CFAP92: variants seen among roughly 807,000 people sequenced by gnomAD.
CFAP92 encodes the protein uncharacterized protein CFAP92.
Under a neutral mutation model 106.3 loss-of-function variants are expected in CFAP92, and 86 were observed. That is an observed-to-expected ratio of 0.81 (90% CI 0.68 to 0.97). The LOEUF is 0.97. CFAP92 is among the 50% of genes least tolerant of loss of function. The pLI is 0.00. For missense variants in CFAP92, 1,204 were observed against 1,283.8 expected (o/e 0.94, Z 0.95); for synonymous variants, 477 against 506.4 (o/e 0.94, Z 0.78).
chr3:128,976,729 G>T (rs1238647082), intron 6 of CFAP92, among the ~76,000 whole-genome samples: 1 of 152,150 alleles, frequency 6.6e-6, no homozygotes, highest in Admixed American at 6.5e-5. Flanking sequence ...TTTAGGAAAC[G>T]GAGATAGTCA....
chr3:128,944,614 C>T (rs573478437), intron 10 of CFAP92, among the ~76,000 whole-genome samples: 8 of 152,202 alleles, frequency 5.3e-5, no homozygotes, highest in Non-Finnish European at 1.0e-4. Context: ...AAGGGCTACC[C>T]GCTGCAGCCC....
intron 7 of CFAP92, among the ~76,000 whole-genome samples, chr3:128,971,809 A>G (rs1195365565): frequency 2.0e-5 from 3 of 152,178 alleles, no homozygotes; most frequent in Non-Finnish European, 4.4e-5. Context: ...CTGCTCTTAA[A>G]CAAACAAAAG....
chr3:128,929,407 G>A (rs1262749075), intron 12 of CFAP92, among the ~76,000 whole-genome samples: 1 of 152,016 alleles, frequency 6.6e-6, no homozygotes, highest in African/African-American at 2.4e-5. Context: ...ATATGACCCA[G>A]CAATTCCACT....
At chr3:128,936,123 G>A (rs1437065200) in intron 10 of CFAP92, among the ~76,000 whole-genome samples, 1 of 151,974 alleles carries the variant, frequency 6.6e-6, no homozygotes, top group Admixed American at 6.5e-5. Flanking sequence ...CTGCACTGTG[G>A]CAATACCAGC....
chr3:128,961,772 C>G (rs1463668639), intron 9 of CFAP92, among the ~76,000 whole-genome samples: 1 of 152,156 alleles, frequency 6.6e-6, no homozygotes, highest in Non-Finnish European at 1.5e-5. Flanking sequence ...TTAAATAAAA[C>G]TCCAAAAATT....
At position 128,971,389 on chromosome 3, in the gene CFAP92, G is replaced by A. The variant is rs1481752431; in HGVS notation, c.1066C>T (p.His356Tyr). Reference sequence around the variant, plus strand: ...TCTTCTTCTGCCAGGGGCTTCTTATGTCTCCTCTGGATTTTCCTTCTTCCC... The same window carrying A: ...TCTTCTTCTGCCAGGGGCTTCTTATATCTCCTCTGGATTTTCCTTCTTCCC... Reference protein sequence around the residue: ...SEGRRKIQRRHKKPLAEEEAD... With the variant: ...SEGRRKIQRRYKKPLAEEEAD... The change falls in exon 8 of 16, where the codon CAT becomes TAT. Residue 356 changes from histidine (H) to tyrosine (Y), a missense_variant. Coordinates refer to ENST00000645291, the MANE Select transcript of CFAP92 (RefSeq NM_001394090.1). 2 of 1,612,984 alleles carry A rather than the reference G, an allele frequency of 1.2e-6. No homozygotes were observed. Among genetic ancestry groups the A allele is most frequent in the South Asian group, 1.1e-5 (1 of 90,930 alleles).
At chr3:128,986,240 CTTTTT>C (rs144649397) in intron 4 of CFAP92, among the ~76,000 whole-genome samples, 12 of 139,074 alleles carry the variant, frequency 8.6e-5, no homozygotes, top group African/African-American at 2.4e-4. Flanking sequence ...ATCTGTTTTA[CTTTTT>C]TTTTTTTTTT....
chr3:128,988,694 C>A (rs1200207414), intron 3 of CFAP92, 34 bp downstream of exon 3: 1 of 1,603,080 alleles, frequency 6.2e-7, no homozygotes. Context: ...GAGCATCAGA[C>A]CATACACAAG....
At chr3:128,950,009 T>C (rs1940623852) in intron 9 of CFAP92, among the ~76,000 whole-genome samples, 1 of 152,172 alleles carries the variant, frequency 6.6e-6, no homozygotes, top group African/African-American at 2.4e-5. Context: ...TAATTTTAAA[T>C]TTATAGACCT....
At chr3:128,956,224 A>G (rs1447028897) in intron 9 of CFAP92, among the ~76,000 whole-genome samples, 1,688 of 100,228 alleles carry the variant, frequency 0.017, 87 homozygotes, top group African/African-American at 0.076. Flanking sequence ...ATAAAAAAAA[A>G]AAAAGAAAAT....
At chr3:128,976,918 T>C in intron 6 of CFAP92, 61 bp downstream of exon 6, 6 of 1,302,620 alleles carry the variant, frequency 4.6e-6, no homozygotes, top group Non-Finnish European at 5.6e-6. Flanking sequence ...CCACGACTCA[T>C]AGTAGGGCTA....
chr3:129,006,772 C>G (rs143626301), upstream of CFAP92, among the ~76,000 whole-genome samples: 1 of 152,324 alleles, frequency 6.6e-6, no homozygotes, highest in East Asian at 1.9e-4. Context: ...ACTAATTTCT[C>G]TGCCCCTCTA....
intron 12 of CFAP92, among the ~76,000 whole-genome samples, chr3:128,926,086 A>G (rs1203666400): frequency 2.0e-5 from 3 of 152,262 alleles, no homozygotes; most frequent in African/African-American, 7.2e-5. Context: ...TGTCAATTAG[A>G]AAAATACAAC....
chr3:128,956,196 T>TAAAAAAAAAA (rs577724635), intron 9 of CFAP92, among the ~76,000 whole-genome samples: 5 of 61,712 alleles, frequency 8.1e-5, no homozygotes, highest in Non-Finnish European at 1.2e-4. Context: ...AAAAAAAAAA[T>TAAAAAAAAAA]AAAAAAAAAA....
At chr3:128,942,858 A>G (rs1363097385) in intron 10 of CFAP92, among the ~76,000 whole-genome samples, 3 of 141,420 alleles carry the variant, frequency 2.1e-5, no homozygotes, top group East Asian at 4.3e-4. Context: ...ATTTTTGTGT[A>G]TTTAGTAGAG....
intron 10 of CFAP92, among the ~76,000 whole-genome samples, chr3:128,940,178 A>T (rs1331653779): frequency 6.6e-6 from 1 of 152,148 alleles, no homozygotes; most frequent in Non-Finnish European, 1.5e-5. Context: ...ATGCATATCC[A>T]TTATTTGTTT....
chr3:128,934,239 G>A (rs1273700436), intron 11 of CFAP92, among the ~76,000 whole-genome samples: 1 of 152,228 alleles, frequency 6.6e-6, no homozygotes, highest in Non-Finnish European at 1.5e-5. Flanking sequence ...GCTCAATGAG[G>A]GAATGGTGAG....
chr3:128,975,738 CTAGT>C, intron 7 of CFAP92, 37 bp downstream of exon 7: 12 of 1,409,874 alleles, frequency 8.5e-6, no homozygotes, highest in Non-Finnish European at 1.2e-5. Context: ...TATTCCAAGT[CTAGT>C]TATATTATAA....
intron 13 of CFAP92, 87 bp from the exon 14 acceptor site, chr3:128,915,650 G>A (rs1272967367): frequency 1.2e-6 from 1 of 862,682 alleles, no homozygotes; most frequent in Non-Finnish European, 1.7e-6. Context: ...ACAGCTGGGG[G>A]CATAATCATA....
Sources: allele counts gnomAD v4.1 joint callset (sites outside exome capture counted in the v4.1 genomes callset), GRCh38; gene constraint gnomAD v4.1.1; transcripts MANE v1.5; gene names NCBI Gene and HGNC (gene_info 2026-07-23, HGNC 2026-07-21).